Variants in ABTB3 observed in about 807,000 individuals in gnomAD.
ABTB3 encodes ankyrin repeat and BTB domain containing 3.
the ABTB3 span, among the ~76,000 whole-genome samples, chr12:107,449,541 T>C: frequency 6.6e-6 from 1 of 152,216 alleles, no homozygotes; most frequent in South Asian, 2.1e-4. Flanking sequence ...TCATACTGTG[T>C]TGGCCACCGA....
At chr12:107,538,239 T>C in the ABTB3 span, among the ~76,000 whole-genome samples, 1 of 152,222 alleles carries the variant, frequency 6.6e-6, no homozygotes, top group Admixed American at 6.5e-5. Context: ...GAGAGCCAGA[T>C]GGCAGCAGCT....
At chr12:107,528,452 A>G in the ABTB3 span, among the ~76,000 whole-genome samples, 14,784 of 152,276 alleles carry the variant, frequency 0.097, 780 homozygotes, top group Non-Finnish European at 0.12. Flanking sequence ...TATGAGAGAC[A>G]TAATGATGGT....
At chr12:107,381,856 G>A in the ABTB3 span, among the ~76,000 whole-genome samples, 5 of 152,190 alleles carry the variant, frequency 3.3e-5, no homozygotes, top group Admixed American at 2.0e-4. Flanking sequence ...AATAGGATCA[G>A]CCTCAGCAGG....
chr12:107,582,460 T>G, the ABTB3 span, among the ~76,000 whole-genome samples: 1 of 152,176 alleles, frequency 6.6e-6, no homozygotes, highest in Non-Finnish European at 1.5e-5. Context: ...CACTGAGCGC[T>G]TTCCTGTCTT....
the ABTB3 span, among the ~76,000 whole-genome samples, chr12:107,608,980 TA>T: frequency 3.2e-3 from 296 of 92,498 alleles, 8 homozygotes; most frequent in African/African-American, 0.012. Context: ...TAAAATAAAA[TA>T]AAATAAAATA....
the ABTB3 span, among the ~76,000 whole-genome samples, chr12:107,634,080 C>G: frequency 6.6e-6 from 1 of 152,196 alleles, no homozygotes; most frequent in Non-Finnish European, 1.5e-5. Flanking sequence ...ATGATTATGC[C>G]TCTGTGAATC....
chr12:107,616,552 T>G, the ABTB3 span, among the ~76,000 whole-genome samples: 1 of 152,242 alleles, frequency 6.6e-6, no homozygotes, highest in Non-Finnish European at 1.5e-5. Flanking sequence ...CTGATCTTGC[T>G]GTCCAGAAAC....
At chr12:107,523,034 G>A in the ABTB3 span, among the ~76,000 whole-genome samples, 1,656 of 152,270 alleles carry the variant, frequency 0.011, 33 homozygotes, top group African/African-American at 0.036. Flanking sequence ...AGTTACTGAT[G>A]GAATTGAAGC....
At chr12:107,616,881 G>A in the ABTB3 span, among the ~76,000 whole-genome samples, 8 of 152,332 alleles carry the variant, frequency 5.3e-5, no homozygotes, top group Admixed American at 5.2e-4. Flanking sequence ...ATGCTGTTAT[G>A]CATGGAACAC....
At chr12:107,476,489 GT>G in the ABTB3 span, among the ~76,000 whole-genome samples, 1 of 152,210 alleles carries the variant, frequency 6.6e-6, no homozygotes, top group Admixed American at 6.5e-5. Flanking sequence ...AAGGGTCTCG[GT>G]TTTGCCATCT....
chr12:107,476,010 G>T, the ABTB3 span, among the ~76,000 whole-genome samples: 701 of 152,312 alleles, frequency 4.6e-3, 7 homozygotes, highest in African/African-American at 0.016. Context: ...TAAAGCCGTG[G>T]ATCACACTTC....
chr12:107,575,668 C>T, the ABTB3 span, among the ~76,000 whole-genome samples: 6 of 152,300 alleles, frequency 3.9e-5, no homozygotes, highest in East Asian at 1.2e-3. Context: ...TGGCCCCTTC[C>T]TCTCATTACT....
At chr12:107,330,583 A>G in the ABTB3 span, among the ~76,000 whole-genome samples, 1 of 152,212 alleles carries the variant, frequency 6.6e-6, no homozygotes, top group African/African-American at 2.4e-5. Context: ...GTGGAAACTG[A>G]GGCCCAGAGT....
At chr12:107,444,102 G>T in the ABTB3 span, among the ~76,000 whole-genome samples, 1 of 152,206 alleles carries the variant, frequency 6.6e-6, no homozygotes, top group Non-Finnish European at 1.5e-5. Context: ...GCCACAGCCT[G>T]ATTGGCTCAG....
At chr12:107,585,991 G>T in the ABTB3 span, among the ~76,000 whole-genome samples, 321 of 152,304 alleles carry the variant, frequency 2.1e-3, no homozygotes, top group Non-Finnish European at 3.9e-3. Flanking sequence ...TGTCACTGAG[G>T]TGATGCAGAT....
At chr12:107,320,573 A>AGGGG in the ABTB3 span, 1 of 456,078 alleles carries the variant, frequency 2.2e-6, no homozygotes, top group South Asian at 1.5e-5. Context: ...CGGGGGAAGG[A>AGGGG]GGGGCCTGGC....
At chr12:107,454,013 A>G in the ABTB3 span, among the ~76,000 whole-genome samples, 1 of 152,214 alleles carries the variant, frequency 6.6e-6, no homozygotes. Flanking sequence ...GTTTAAGGGG[A>G]AATCAAGAAT....
chr12:107,575,029 A>G, the ABTB3 span, among the ~76,000 whole-genome samples: 2 of 152,216 alleles, frequency 1.3e-5, no homozygotes, highest in Non-Finnish European at 1.5e-5. Context: ...GAGCATTGCT[A>G]TAGAAACCAG....
At chr12:107,548,230 T>G in the ABTB3 span, among the ~76,000 whole-genome samples, 1 of 152,182 alleles carries the variant, frequency 6.6e-6, no homozygotes, top group Non-Finnish European at 1.5e-5. Context: ...CAGGATCATC[T>G]CCTTGACTAT....
Sources: gnomAD v4.1 joint callset for allele counts (sites outside exome capture counted in the v4.1 genomes callset) on GRCh38, gnomAD v4.1.1 for gene constraint, MANE v1.5 for transcripts, NCBI Gene and HGNC (gene_info 2026-07-23, HGNC 2026-07-21) for gene names.